The following NPAT variants were observed in gnomAD, a reference collection of about 807,000 sequenced individuals.
NPAT encodes the protein protein NPAT.
A neutral mutation model predicts 130.7 loss-of-function variants in NPAT; 52 were observed. That is an observed-to-expected ratio of 0.40 (90% CI 0.32 to 0.50). The LOEUF (loss-of-function observed/expected upper bound fraction) is 0.50. Among genes scored for constraint, NPAT ranks in the 20% least tolerant of loss-of-function variants. NPAT has a pLI of 0.68. For synonymous variants in NPAT, 580 were observed against 584.8 expected (o/e 0.99, Z 0.12); for missense variants, 1,687 against 1,662.6 (o/e 1.01, Z -0.26).
rs2077811199 is a variant in NPAT at position 108,157,897 on chromosome 11, G to GT, written c.*1044dup. Reference sequence around the variant, plus strand: ...AAGGACCTTTTGAGAGAAACTCTTTGTAACACTTTAAGGGACACAGACAAT... The same window carrying GT: ...AAGGACCTTTTGAGAGAAACTCTTTGTTAACACTTTAAGGGACACAGACAAT... On this transcript the variant is annotated 3_prime_UTR_variant, in exon 18 of 18. Coordinates refer to ENST00000278612, the MANE Select transcript of NPAT (RefSeq NM_002519.3). 6.6e-6 allele frequency: 1 copy of GT among 152,462 alleles called. No individual in the cohort carries two copies. Among genetic ancestry groups the GT allele is most frequent in the Admixed American group, 6.5e-5 (1 of 15,270 alleles). The allele number at this position is 152,462 out of a possible 1,614,324, so 9.4% of individuals were successfully genotyped here. A position where few individuals can be genotyped will look rare whatever the true frequency, so the allele number is the denominator to read the frequency against.
chr11:108,165,191 T>C (rs1320697319), intron 15 of NPAT, among the ~76,000 whole-genome samples: 1 of 152,090 alleles, frequency 6.6e-6, no homozygotes, highest in African/African-American at 2.4e-5. Context: ...TGTTATTTTG[T>C]GTATGGTGTC....
intron 1 of NPAT, among the ~76,000 whole-genome samples, chr11:108,212,127 T>C (rs1457413204): frequency 2.0e-5 from 3 of 151,358 alleles, no homozygotes; most frequent in South Asian, 2.1e-4. Flanking sequence ...AATTCAAACC[T>C]TTCCCCATAA....
chr11:108,173,487 C>A lies in NPAT; in HGVS notation c.1497G>T (p.Gln499His). The A allele has an allele frequency of 6.2e-7, 1 of 1,614,158 alleles. No individual in the cohort carries two copies. The highest frequency in any genetic ancestry group is 8.5e-7 in the Non-Finnish European group (1 of 1,180,012). ...SLSSNVPSES[Q>H]LQPDQPDIPI... ...GTATATCAGGCTGATCAGGCTGTAA[C>A]TGAGATTCACTCGGTACATTTGAAG... The change falls in exon 13 of 18, where the codon CAG (glutamine) becomes CAT (histidine). Residue 499 changes from glutamine (Q) to histidine (H), a missense_variant. This residue lies in a region of NPAT where 1,379 missense variants were observed against 1,346.6 expected (regional missense o/e 1.02). Coordinates refer to ENST00000278612, the MANE Select transcript of NPAT (RefSeq NM_002519.3).
chr11:108,165,119 T>C (rs73006205), intron 15 of NPAT, among the ~76,000 whole-genome samples: 8 of 152,016 alleles, frequency 5.3e-5, no homozygotes, highest in Non-Finnish European at 7.4e-5. Context: ...GATGAAAAAA[T>C]GTAGGGAGAG....
intron 2 of NPAT, among the ~76,000 whole-genome samples, chr11:108,196,174 T>C (rs2078218182): frequency 1.3e-5 from 2 of 152,224 alleles, no homozygotes; most frequent in South Asian, 4.1e-4. Context: ...AGGTTCTTTT[T>C]CTACATATGG....
At chr11:108,159,793 T>G (rs2077827832) in intron 17 of NPAT, among the ~76,000 whole-genome samples, 1 of 151,572 alleles carries the variant, frequency 6.6e-6, no homozygotes, top group Non-Finnish European at 1.5e-5. Flanking sequence ...CGCAGATCAC[T>G]TGAGCTCAGG....
Position 108,158,395 on chromosome 11 carries a change from A to C in NPAT, c.*547T>G, listed in dbSNP as rs1024772898. ...AGAAAGGGGTAGTATTCACTCTAGGAAAAAAACTCATCAAACTGTTGATTT... is the reference window on the plus strand; with the variant it reads ...AGAAAGGGGTAGTATTCACTCTAGGCAAAAAACTCATCAAACTGTTGATTT... On this transcript the variant is annotated 3_prime_UTR_variant, in exon 18 of 18. Coordinates refer to ENST00000278612, the MANE Select transcript of NPAT (RefSeq NM_002519.3). 5 of 153,108 alleles carry C rather than the reference A, an allele frequency of 3.3e-5. No homozygotes were observed. Among genetic ancestry groups the C allele is most frequent in the African/African-American group, 1.2e-4 (5 of 41,458 alleles). 9.5% of individuals were successfully genotyped at this position (153,108 alleles called of 1,614,324 possible).
At position 108,172,441 on chromosome 11, in the gene NPAT, C is replaced by A. The variant is rs2134835008; in HGVS notation, c.2543G>T (p.Gly848Val). The A allele has an allele frequency of 1.2e-6, 2 of 1,614,170 alleles. No homozygotes were observed. Among genetic ancestry groups the A allele is most frequent in the Admixed American group, 1.7e-5 (1 of 60,026 alleles). ...TGTGGCTGGCATCAACTGTATATAT[C>A]CTCCATCCTTGGAAACACATGGTGT... The part of the protein sequence containing the change: ...NVTPCVSKDG[G>V]YIQLMPATST... The change falls in exon 13 of 18, where the codon GGA (glycine) becomes GTA (valine). Residue 848 changes from glycine (G) to valine (V), a missense_variant. By Grantham distance (109) the Gly-to-Val change is moderately radical (BLOSUM62 -3). Around this residue, in one of 3 missense-constraint regions of NPAT, gnomAD observed 1,379 missense variants for 1,346.6 expected, o/e 1.02. Transcript: ENST00000278612.
intron 6 of NPAT, 113 bp downstream of exon 6, chr11:108,188,993 C>T: frequency 2.3e-6 from 2 of 851,782 alleles, no homozygotes; most frequent in Non-Finnish European, 3.9e-6. Context: ...TCTCTCTCAT[C>T]TTTTATGGGG....
At chr11:108,190,693 T>A (rs1429067059) in intron 4 of NPAT, among the ~76,000 whole-genome samples, 193 bp from the exon 5 acceptor site, 1 of 152,244 alleles carries the variant, frequency 6.6e-6, no homozygotes, top group Non-Finnish European at 1.5e-5. Context: ...TAGTGGCATG[T>A]AGACACACTC....
intron 1 of NPAT, among the ~76,000 whole-genome samples, chr11:108,211,509 C>T (rs1009703723): frequency 1.3e-5 from 2 of 149,674 alleles, no homozygotes; most frequent in African/African-American, 4.9e-5. Flanking sequence ...GGCCACTGCA[C>T]TCCAGAATAG....
rs766942508 is a variant in NPAT, at chr11:108,173,859, G to A, written c.1133-8C>T. On this transcript the variant is annotated splice_region_variant and splice_polypyrimidine_tract_variant and intron_variant, in intron 12 of 17. Coordinates refer to ENST00000278612, the MANE Select transcript of NPAT (RefSeq NM_002519.3). ...GCTGACCAGACTGACCATCTGCAAAGTATCAGGCAGGTAGACAGATATGGT... is the reference window on the plus strand; with the variant it reads ...GCTGACCAGACTGACCATCTGCAAAATATCAGGCAGGTAGACAGATATGGT... 4.3e-6 allele frequency: 7 copies of A among 1,612,030 alleles called. No individual in the cohort carries two copies. The highest frequency in any genetic ancestry group is 1.7e-5 in the Admixed American group (1 of 60,030).
At chr11:108,189,869 C>CA (rs754180914) in intron 5 of NPAT, among the ~76,000 whole-genome samples, 3,382 of 58,704 alleles carry the variant, frequency 0.058, 111 homozygotes, top group African/African-American at 0.14. Context: ...GACTCCGTCT[C>CA]AAAAAAAAAA....
Position 108,161,989 on chromosome 11 carries a change from C to G in NPAT, c.3097G>C (p.Ala1033Pro). The G allele has an allele frequency of 6.2e-7, 1 of 1,608,260 alleles. No homozygotes were observed. The highest frequency in any genetic ancestry group is 8.5e-7 in the Non-Finnish European group (1 of 1,177,564). ...TCTGATTTTTTCCCAAGATCTGTGG[C>G]AATACTTTTGTCAGAAACTTCAGTT... ...QKTEVSDKSI[A>P]TDLGKKSEET... The change falls in exon 17 of 18, where the codon GCC becomes CCC. Residue 1033 changes from alanine (A) to proline (P), a missense_variant. By Grantham distance (27) the Ala-to-Pro change is conservative. Coordinates refer to ENST00000278612, the MANE Select transcript of NPAT (RefSeq NM_002519.3).
Position 108,172,585 on chromosome 11 carries a change from A to G in NPAT, c.2399T>C (p.Val800Ala), listed in dbSNP as rs369351152. ...GGCTGAATCCCCTACTTCGGCATAT[A>G]CAACAGCACCTACAGTTTCTTCTGA... is the stretch of plus-strand genomic sequence containing the variant. ...LSSEETVGAVVYAEVGDSASM... is the reference protein window; with the variant it reads ...LSSEETVGAVAYAEVGDSASM... Residue 800 changes from valine (V) to alanine (A), a missense_variant, in exon 13 of 18, where the codon GTA becomes GCA. By Grantham distance (64) the Val-to-Ala change is moderately conservative (BLOSUM62 0). Around this residue, in one of 3 missense-constraint regions of NPAT, gnomAD observed 1,379 missense variants for 1,346.6 expected, o/e 1.02. Transcript: ENST00000278612. 1.2e-6 allele frequency: 2 copies of G among 1,614,248 alleles called. No homozygotes were observed. Among genetic ancestry groups the G allele is most frequent in the Middle Eastern group, 1.6e-4 (1 of 6,062 alleles).
At chr11:108,184,924 T>C (rs533970654) in intron 10 of NPAT, among the ~76,000 whole-genome samples, 1 of 152,350 alleles carries the variant, frequency 6.6e-6, no homozygotes, top group South Asian at 2.1e-4. Flanking sequence ...ATATAAACAC[T>C]GTATTACTGT....
chr11:108,218,327 A>G (rs2134907626), intron 1 of NPAT, among the ~76,000 whole-genome samples: 1 of 152,308 alleles, frequency 6.6e-6, no homozygotes, highest in African/African-American at 2.4e-5. Context: ...AACTATATGA[A>G]GGGTATTTTT....
rs573461875 is a variant in NPAT, at chr11:108,173,031, A to G, written c.1953T>C (p.Ala651=). The G allele has an allele frequency of 6.2e-7, 1 of 1,614,056 alleles. No homozygotes were observed. The highest frequency in any genetic ancestry group is 1.3e-5 in the African/African-American group (1 of 75,056). ...GTGAATTCTCAGACTTGGATGCCTGAGCTTCATTTTCTGTATGATTTAACT... is the reference window on the plus strand; with the variant it reads ...GTGAATTCTCAGACTTGGATGCCTGGGCTTCATTTTCTGTATGATTTAACT... ...SVELNHTENE[A]QASKSENSQE... is the part of the protein sequence containing the mutation. Residue 651 remains alanine, a synonymous_variant, in exon 13 of 18, where the codon GCT becomes GCC. Transcript: ENST00000278612.
intron 1 of NPAT, among the ~76,000 whole-genome samples, chr11:108,215,527 A>AT (rs1591421215): frequency 6.6e-6 from 1 of 152,224 alleles, no homozygotes; most frequent in African/African-American, 2.4e-5. Context: ...AATTTAAAAG[A>AT]TAAAAAAAAG....
Sources: gnomAD v4.1 joint callset for allele counts (sites outside exome capture counted in the v4.1 genomes callset) on GRCh38, gnomAD v4.1.1 for gene constraint, gnomAD v4.1.1 regional missense constraint, MANE v1.5 for transcripts, NCBI Gene and HGNC (gene_info 2026-07-23, HGNC 2026-07-21) for gene names.